Variants in COL5A2 observed in about 807,000 individuals in gnomAD.
COL5A2 encodes the protein collagen alpha-2(V) chain.
A neutral mutation model predicts 208.2 loss-of-function variants in COL5A2; 23 were observed. The observed-to-expected ratio is 0.11, with a 90% CI of 0.08 to 0.16. The LOEUF is 0.16. Among genes scored for constraint, COL5A2 ranks in the 10% least tolerant of loss-of-function variants. The pLI, the probability that COL5A2 is intolerant of heterozygous loss-of-function variation, is 1.00. For synonymous variants in COL5A2, 625 were observed against 628.5 expected, an observed-to-expected ratio of 0.99 and a Z score of 0.08; for missense variants, 1,590 against 1,956.4, an observed-to-expected ratio of 0.81 and a Z score of 3.53.
At position 189,219,614 on chromosome 2, in the gene COL5A2, G is replaced by C. The variant is rs868492357; in HGVS notation, c.-42+5534C>G. On this transcript the variant is annotated intron_variant, in intron 1 of 10. Transcript: ENST00000649966. ...TATAAAACACTTGGAAATAACTTAG[G>C]TAAGATAGAATTATAGATCCCACAG... Among the ~76,000 whole-genome samples the C allele has an allele frequency of 2.6e-5, 4 of 152,222 alleles. No individual in the cohort carries two copies. In the South Asian group the frequency reaches 8.3e-4, roughly 32 times the overall value.
intron 6 of COL5A2, among the ~76,000 whole-genome samples, chr2:189,092,822 G>C (rs1356659608): frequency 6.6e-6 from 1 of 152,108 alleles, no homozygotes; most frequent in East Asian, 1.9e-4. Flanking sequence ...TTGGATTACA[G>C]TTAACTATGT....
chr2:189,099,795 G>A (rs1377084525), intron 4 of COL5A2, among the ~76,000 whole-genome samples: 2 of 152,126 alleles, frequency 1.3e-5, no homozygotes, highest in African/African-American at 2.4e-5. Context: ...TTCCAGAAGT[G>A]TGGAATAATA....
the COL5A2 span, among the ~76,000 whole-genome samples, chr2:189,235,793 G>A: frequency 1.3e-5 from 2 of 151,568 alleles, no homozygotes; most frequent in African/African-American, 4.8e-5. Flanking sequence ...AGGCCATACT[G>A]CTATCCCTAG....
At chr2:189,036,832 A>C in intron 51 of COL5A2, 29 bp from the exon 52 acceptor site, 1 of 1,492,240 alleles carries the variant, frequency 6.7e-7, no homozygotes, top group Non-Finnish European at 9.3e-7. Flanking sequence ...ATTTTACTAA[A>C]TAAAGACAAT....
chr2:189,398,001 G>A, the COL5A2 span, among the ~76,000 whole-genome samples: 4 of 152,006 alleles, frequency 2.6e-5, no homozygotes, highest in African/African-American at 9.7e-5. Flanking sequence ...TCAGCATTCA[G>A]TTCAAAATGT....
intron 1 of COL5A2, among the ~76,000 whole-genome samples, chr2:189,202,790 TG>T (rs1689094506): frequency 6.6e-6 from 1 of 152,140 alleles, no homozygotes; most frequent in South Asian, 2.1e-4. Flanking sequence ...GGCAGGAAAG[TG>T]GAATCAGAGA....
chr2:189,289,893 AT>A, the COL5A2 span, among the ~76,000 whole-genome samples: 1 of 152,212 alleles, frequency 6.6e-6, no homozygotes, highest in Non-Finnish European at 1.5e-5. Context: ...AAGAATTACA[AT>A]GTCCATGCTA....
the COL5A2 span, among the ~76,000 whole-genome samples, chr2:189,397,169 G>A: frequency 6.6e-6 from 1 of 152,022 alleles, no homozygotes; most frequent in Admixed American, 6.6e-5. Context: ...ACTTTATGAA[G>A]GGTAAAATTA....
At chr2:189,163,975 T>C (rs1370196190) in intron 1 of COL5A2, among the ~76,000 whole-genome samples, 4 of 152,228 alleles carry the variant, frequency 2.6e-5, no homozygotes, top group Non-Finnish European at 4.4e-5. Context: ...AATTCATTCA[T>C]GAAAGTAACA....
chr2:189,222,536 G>A (rs553662647), intron 1 of COL5A2, among the ~76,000 whole-genome samples: 1 of 152,296 alleles, frequency 6.6e-6, no homozygotes, highest in East Asian at 1.9e-4. Flanking sequence ...AAAGGTGCCA[G>A]TTCAGGTTTG....
chr2:189,405,560 T>A, the COL5A2 span, among the ~76,000 whole-genome samples: 64 of 152,308 alleles, frequency 4.2e-4, no homozygotes, highest in African/African-American at 1.4e-3. Flanking sequence ...AAGTTTAGTG[T>A]CACAGAACTT....
chr2:189,049,410 T>C lies in COL5A2; in HGVS notation c.3084A>G (p.Lys1028=), dbSNP rs774936724. 4.7e-5 allele frequency: 76 copies of C among 1,613,572 alleles called. No individual in the cohort carries two copies. The highest frequency in any genetic ancestry group is 8.3e-5 in the Admixed American group (5 of 59,988). The part of the protein sequence containing the change: ...KVGPTGATGD[K]GPPGPVGPPG... ...GGGGCCCCACAGGTCCAGGTGGACCTTTATCTCCTGTTGCACCAGTTGGTC... is the reference window on the plus strand; with the variant it reads ...GGGGCCCCACAGGTCCAGGTGGACCCTTATCTCCTGTTGCACCAGTTGGTC... Residue 1028 remains lysine (K), a synonymous_variant, in exon 44 of 54, where the codon AAA becomes AAG. Coordinates refer to ENST00000374866, the MANE Select transcript of COL5A2 (RefSeq NM_000393.5).
the COL5A2 span, among the ~76,000 whole-genome samples, chr2:189,284,901 T>A: frequency 5.3e-5 from 8 of 152,156 alleles, no homozygotes; most frequent in African/African-American, 1.7e-4. Flanking sequence ...ATGTGGCACA[T>A]GACTGTATAA....
the COL5A2 span, among the ~76,000 whole-genome samples, chr2:189,287,100 G>A: frequency 1.2e-4 from 19 of 152,074 alleles, no homozygotes; most frequent in African/African-American, 4.3e-4. Context: ...ATGGAATGCA[G>A]TAGTTAAGAA....
chr2:189,234,072 G>A, the COL5A2 span, among the ~76,000 whole-genome samples: 6 of 151,160 alleles, frequency 4.0e-5, no homozygotes, highest in Non-Finnish European at 5.9e-5. Flanking sequence ...ATTATAAATC[G>A]TGTGTTCTGT....
the COL5A2 span, among the ~76,000 whole-genome samples, chr2:189,263,483 C>T: frequency 6.6e-6 from 1 of 152,104 alleles, no homozygotes; most frequent in African/African-American, 2.4e-5. Flanking sequence ...GCTTTCCTAA[C>T]ATTGTGGTAC....
intron 49 of COL5A2, 93 bp from the exon 50 acceptor site, chr2:189,041,786 G>A: frequency 1.3e-6 from 1 of 755,798 alleles, no homozygotes; most frequent in South Asian, 1.5e-5. Flanking sequence ...ATATGGAGCT[G>A]TAACAGTGAT....
At chr2:189,160,969 T>C (rs562240653) in intron 1 of COL5A2, among the ~76,000 whole-genome samples, 88 of 151,792 alleles carry the variant, frequency 5.8e-4, no homozygotes, top group African/African-American at 2.0e-3. Flanking sequence ...TAGCTGGGAT[T>C]ATAGGCATGT....
At chr2:189,131,037 G>T (rs868189044) in intron 1 of COL5A2, among the ~76,000 whole-genome samples, 1 of 152,046 alleles carries the variant, frequency 6.6e-6, no homozygotes, top group Non-Finnish European at 1.5e-5. Context: ...CAAAAATTCA[G>T]CAAGGTAAAG....
Sources: allele counts gnomAD v4.1 joint callset (sites outside exome capture counted in the v4.1 genomes callset), GRCh38; gene constraint gnomAD v4.1.1; transcripts MANE v1.5; gene names NCBI Gene and HGNC (gene_info 2026-07-23, HGNC 2026-07-21).